The following GRM7 variants were observed in gnomAD, a reference collection of about 807,000 sequenced individuals.
GRM7 encodes the protein glutamate metabotropic receptor 7, also known as metabotropic glutamate receptor 7.
Under a neutral mutation model 84.5 loss-of-function variants are expected in GRM7, and 35 were observed. The observed-to-expected ratio is 0.41, with a 90% confidence interval of 0.32 to 0.55. GRM7 has a LOEUF of 0.55. GRM7 is among the 20% of genes least tolerant of loss of function. GRM7 has a pLI of 0.19. For synonymous variants in GRM7, 487 were observed against 455.1 expected (o/e 1.07, Z -0.89); for missense variants, 1,003 against 1,194.6 (o/e 0.84, Z 2.36).
At chr3:7,206,426 C>CT (rs1268965372) in intron 2 of GRM7, among the ~76,000 whole-genome samples, 2 of 152,164 alleles carry the variant, frequency 1.3e-5, no homozygotes, top group Middle Eastern at 6.8e-3. Context: ...TCAGATGTTC[C>CT]TTTTTTGGAG....
Position 7,409,792 on chromosome 3 carries a change from G to C in GRM7, c.1034-5231G>C, listed in dbSNP as rs552368748. ...ATTTTTTGTATTTTTAGTAGAGGTA[G>C]GGTTTCACCATGTTGGCCAGGATGG... On this transcript the variant is annotated intron_variant, in intron 4 of 9. Transcript: ENST00000357716. Among the ~76,000 whole-genome samples, 491 of 152,126 alleles carry C rather than the reference G, an allele frequency of 3.2e-3. 3 individuals carry two copies. The highest frequency in any genetic ancestry group is 0.011 in the African/African-American group (443 of 41,518).
chr3:7,411,702 T>A (rs1181800001), intron 4 of GRM7, among the ~76,000 whole-genome samples: 1 of 152,190 alleles, frequency 6.6e-6, no homozygotes, highest in African/African-American at 2.4e-5. Flanking sequence ...TCTGTGTATT[T>A]CATAGGCATT....
chr3:7,704,989 C>T (rs1575653681), intron 9 of GRM7, among the ~76,000 whole-genome samples: 1 of 152,150 alleles, frequency 6.6e-6, no homozygotes, highest in East Asian at 1.9e-4. Context: ...TTCGAGAAGC[C>T]TTCAAGACTC....
chr3:7,016,688 TAATAA>T (rs1351234260), intron 1 of GRM7, among the ~76,000 whole-genome samples: 1 of 152,208 alleles, frequency 6.6e-6, no homozygotes, highest in Non-Finnish European at 1.5e-5. Context: ...ATAATGGTAG[TAATAA>T]TAAAATAAAA....
intron 1 of GRM7, among the ~76,000 whole-genome samples, chr3:7,108,780 A>T (rs1692742075): frequency 6.6e-6 from 1 of 152,092 alleles, no homozygotes; most frequent in Non-Finnish European, 1.5e-5. Flanking sequence ...AAGACCACTT[A>T]TGTGAAAGAA....
intron 1 of GRM7, among the ~76,000 whole-genome samples, chr3:7,022,274 C>G (rs1487006069): frequency 6.6e-6 from 1 of 151,274 alleles, no homozygotes; most frequent in Non-Finnish European, 1.5e-5. Context: ...TGCAGTGAGC[C>G]GAGATTGTGC....
intron 4 of GRM7, among the ~76,000 whole-genome samples, chr3:7,327,780 T>G (rs1194792016): frequency 1.3e-5 from 2 of 152,220 alleles, no homozygotes; most frequent in Non-Finnish European, 2.9e-5. Context: ...TTTGCATGTT[T>G]AACAAATCCT....
At chr3:7,731,244 T>C (rs1232987769) in intron 9 of GRM7, among the ~76,000 whole-genome samples, 1 of 152,112 alleles carries the variant, frequency 6.6e-6, no homozygotes, top group East Asian at 1.9e-4. Flanking sequence ...GGAAATCTGA[T>C]GAGTTATAAT....
chr3:7,636,330 C>G, intron 8 of GRM7: 1 of 456,492 alleles, frequency 2.2e-6, no homozygotes, highest in Admixed American at 2.3e-5. Context: ...CCCGACCGGA[C>G]TAAATGAAGA....
At chr3:7,345,525 C>T (rs1692851303) in intron 4 of GRM7, among the ~76,000 whole-genome samples, 2 of 152,104 alleles carry the variant, frequency 1.3e-5, no homozygotes, top group African/African-American at 2.4e-5. Flanking sequence ...GTCAAGTGAT[C>T]TGTCAGCCTT....
chr3:7,370,924 A>C (rs1470009139), intron 4 of GRM7, among the ~76,000 whole-genome samples: 1 of 152,180 alleles, frequency 6.6e-6, no homozygotes, highest in Non-Finnish European at 1.5e-5. Context: ...GGATTCAGTA[A>C]ATTAATCTAT....
chr3:7,429,112 C>T lies in GRM7; in HGVS notation c.1174+13949C>T, dbSNP rs576626933. ...AATTCCTGCCTCATTAGCTATGAAGCCTGACACAAGTGACTTTGCATCTCT... is the reference window on the plus strand; with the variant it reads ...AATTCCTGCCTCATTAGCTATGAAGTCTGACACAAGTGACTTTGCATCTCT... On this transcript the variant is annotated intron_variant, in intron 5 of 9. Coordinates refer to ENST00000357716, the MANE Select transcript of GRM7 (RefSeq NM_000844.4). 1.4e-3 allele frequency among the ~76,000 whole-genome samples: 216 copies of T among 152,248 alleles called. 1 individual carries two copies. The highest frequency in any genetic ancestry group is 4.7e-3 in the African/African-American group (197 of 41,560).
intron 1 of GRM7, among the ~76,000 whole-genome samples, chr3:6,893,524 G>A (rs1261594263): frequency 6.6e-6 from 1 of 152,060 alleles, no homozygotes; most frequent in Admixed American, 6.6e-5. Context: ...GACATAAACT[G>A]AGCATCCAAA....
chr3:7,293,764 T>C (rs542154860), intron 2 of GRM7, among the ~76,000 whole-genome samples: 1 of 152,316 alleles, frequency 6.6e-6, no homozygotes, highest in African/African-American at 2.4e-5. Flanking sequence ...GGTAGGTACA[T>C]GGGACCATCA....
intron 1 of GRM7, among the ~76,000 whole-genome samples, chr3:6,879,985 A>G (rs1695448365): frequency 6.6e-6 from 1 of 152,216 alleles, no homozygotes; most frequent in Non-Finnish European, 1.5e-5. Flanking sequence ...TGTTTAACCC[A>G]GAAGAAAGAA....
At chr3:7,354,240 G>A (rs1275037495) in intron 4 of GRM7, among the ~76,000 whole-genome samples, 1 of 152,146 alleles carries the variant, frequency 6.6e-6, no homozygotes, top group Non-Finnish European at 1.5e-5. Flanking sequence ...GGGACTACCA[G>A]ACACTGGATC....
rs79533766 is a variant in GRM7 at position 7,088,130 on chromosome 3, G to A, written c.520-58322G>A. On this transcript the variant is annotated intron_variant, in intron 1 of 9. Coordinates refer to ENST00000357716, the MANE Select transcript of GRM7 (RefSeq NM_000844.4). ...AGTATTTAGCAATGAACCTGCGGATGATCCATAGGAGTTGTTAACTAATGC... is the reference window on the plus strand; with the variant it reads ...AGTATTTAGCAATGAACCTGCGGATAATCCATAGGAGTTGTTAACTAATGC... Among the ~76,000 whole-genome samples the A allele has an allele frequency of 5.7e-3, 854 of 151,054 alleles. 20 individuals are homozygous for A. Among genetic ancestry groups the A allele is most frequent in the East Asian group, 0.041 (211 of 5,162 alleles).
At chr3:7,390,984 T>TTTG (rs1160862944) in intron 4 of GRM7, among the ~76,000 whole-genome samples, 3 of 152,114 alleles carry the variant, frequency 2.0e-5, no homozygotes, top group Non-Finnish European at 2.9e-5. Flanking sequence ...GCTGACACTT[T>TTTG]TTGTTGTTGT....
chr3:7,511,386 C>G (rs1700205372), intron 7 of GRM7, among the ~76,000 whole-genome samples: 1 of 150,360 alleles, frequency 6.7e-6, no homozygotes, highest in African/African-American at 2.5e-5. Context: ...TAAACAGAAG[C>G]CATTTGCTAC....
Sources: allele counts gnomAD v4.1 joint callset (sites outside exome capture counted in the v4.1 genomes callset), GRCh38; gene constraint gnomAD v4.1.1; transcripts MANE v1.5; gene names NCBI Gene and HGNC (gene_info 2026-07-23, HGNC 2026-07-21).